The following WDR53 variants were observed in gnomAD, a reference collection of about 807,000 sequenced individuals.
WDR53 encodes WD repeat domain 53, also known as WD repeat-containing protein 53.
A neutral mutation model predicts 21.3 loss-of-function variants in WDR53; 19 were observed. That is an observed-to-expected ratio of 0.89 (90% CI 0.62 to 1.31). The LOEUF (loss-of-function observed/expected upper bound fraction) is 1.31. Among genes scored for constraint, WDR53 ranks in the 50% most tolerant of loss-of-function variants. WDR53 has a pLI of 0.00. For missense variants in WDR53, 374 were observed against 423.2 expected (o/e 0.88, Z 1.02); for synonymous variants, 157 against 163.4 (o/e 0.96, Z 0.30).
chr3:196,555,699 TTAAC>T (rs1734258341), intron 3 of WDR53, among the ~76,000 whole-genome samples: 1 of 152,240 alleles, frequency 6.6e-6, no homozygotes, highest in Non-Finnish European at 1.5e-5. Context: ...ACTCACAATT[TTAAC>T]AGACACTGGA....
At chr3:196,556,682 C>A (rs1370788554) in intron 3 of WDR53, among the ~76,000 whole-genome samples, 2 of 150,792 alleles carry the variant, frequency 1.3e-5, no homozygotes, top group Admixed American at 1.3e-4. Flanking sequence ...AAAATACACA[C>A]ACACACACAC....
At position 196,554,363 on chromosome 3, in the gene WDR53, C is replaced by T. The variant is rs145431410; in HGVS notation, c.925G>A (p.Glu309Lys). 2 of 1,614,170 alleles carry T rather than the reference C, an allele frequency of 1.2e-6. No homozygotes were observed. Among genetic ancestry groups the T allele is most frequent in the Non-Finnish European group, 1.7e-6 (2 of 1,180,026 alleles). Residue 309 changes from glutamate (E) to lysine (K), a missense_variant, in exon 4 of 4, where the codon GAG becomes AAG. By Grantham distance (56) the Glu-to-Lys change is moderately conservative. Coordinates refer to ENST00000332629, the MANE Select transcript of WDR53 (RefSeq NM_182627.3). Reference protein sequence around the residue: ...GGNTNASVTDEEEHGNILPKL... With the variant: ...GGNTNASVTDKEEHGNILPKL... The stretch of plus-strand genomic sequence containing the variant: ...GGTAAAATGTTGCCATGTTCTTCCT[C>T]ATCTGTTACTGAAGCGTTAGTATTT...
At chr3:196,559,816 A>G (rs184816668) in intron 3 of WDR53, among the ~76,000 whole-genome samples, 8 of 152,286 alleles carry the variant, frequency 5.3e-5, no homozygotes, top group Non-Finnish European at 4.4e-5. Flanking sequence ...GGAGCCAGAG[A>G]GATTGAGGTT....
chr3:196,559,821 G>C (rs1037501071), intron 3 of WDR53, among the ~76,000 whole-genome samples: 3 of 152,126 alleles, frequency 2.0e-5, no homozygotes, highest in Non-Finnish European at 4.4e-5. Context: ...CAGAGAGATT[G>C]AGGTTTGAAT....
At chr3:196,566,333 C>T (rs1735389532) in intron 2 of WDR53, among the ~76,000 whole-genome samples, 1 of 152,068 alleles carries the variant, frequency 6.6e-6, no homozygotes, top group Non-Finnish European at 1.5e-5. Flanking sequence ...AGCAATCCAC[C>T]CACCTCGGCC....
chr3:196,561,577 C>T, intron 2 of WDR53, 86 bp from the exon 3 acceptor site: 1 of 1,256,658 alleles, frequency 8.0e-7, no homozygotes, highest in Non-Finnish European at 1.1e-6. Flanking sequence ...AATATTTCAT[C>T]TTTTAAAATG....
Position 196,560,087 on chromosome 3 carries a change from A to G in WDR53, c.480+909T>C, listed in dbSNP as rs189382168. Reference sequence around the variant, plus strand: ...ACATTAAGCCCAAATCTGCTTTCCCATGACTTCTCTTATGAAGACCAGCAC... The same window carrying G: ...ACATTAAGCCCAAATCTGCTTTCCCGTGACTTCTCTTATGAAGACCAGCAC... On this transcript the variant is annotated intron_variant, in intron 3 of 3. Transcript: ENST00000332629. 1.2e-3 allele frequency among the ~76,000 whole-genome samples: 190 copies of G among 152,266 alleles called. 1 individual carries two copies. The highest frequency in any genetic ancestry group is 4.4e-3 in the African/African-American group (183 of 41,568).
intron 2 of WDR53, among the ~76,000 whole-genome samples, chr3:196,565,929 G>T (rs538386547): frequency 6.6e-6 from 1 of 152,300 alleles, no homozygotes; most frequent in East Asian, 1.9e-4. Context: ...CCACATTCAC[G>T]TATCAAGTCA....
rs546041944 is a variant in WDR53, at chr3:196,554,727, G to A, written c.561C>T (p.Gly187=). 1.2e-6 allele frequency: 2 copies of A among 1,614,078 alleles called. No individual in the cohort carries two copies. The highest frequency in any genetic ancestry group is 1.3e-5 in the African/African-American group (1 of 75,004). The change falls in exon 4 of 4, where the codon GGC becomes GGT. Residue 187 remains glycine (G), a synonymous_variant. Transcript: ENST00000332629. Reference sequence around the variant, plus strand: ...TTAAGAGCTGACCAGGTGACTGTGGGCCTTCCATTTCTTCTGTTTCATCCT... The same window carrying A: ...TTAAGAGCTGACCAGGTGACTGTGGACCTTCCATTTCTTCTGTTTCATCCT... ...LQEDETEEME[G]PQSPGQLLNP... is the part of the protein sequence containing the mutation.
At chr3:196,559,324 G>T (rs1163808102) in intron 3 of WDR53, among the ~76,000 whole-genome samples, 1 of 152,198 alleles carries the variant, frequency 6.6e-6, no homozygotes, top group African/African-American at 2.4e-5. Flanking sequence ...GGAAGATAGA[G>T]GTTGTAGGGT....
chr3:196,561,533 A>G (rs1398210369), intron 2 of WDR53, 42 bp from the exon 3 acceptor site: 3 of 1,531,158 alleles, frequency 2.0e-6, no homozygotes, highest in Non-Finnish European at 2.6e-6. Flanking sequence ...TGTTTTATAC[A>G]TCGACTTGAT....
At chr3:196,559,359 G>A (rs1236475489) in intron 3 of WDR53, among the ~76,000 whole-genome samples, 1 of 152,170 alleles carries the variant, frequency 6.6e-6, no homozygotes, top group Non-Finnish European at 1.5e-5. Flanking sequence ...CATGTAGAGT[G>A]AGTCTCAACC....
chr3:196,556,656 TA>T (rs60957596), intron 3 of WDR53, among the ~76,000 whole-genome samples: 72 of 139,578 alleles, frequency 5.2e-4, no homozygotes, highest in Middle Eastern at 3.6e-3. Context: ...ACTCCGTCTT[TA>T]AAAAAAAAAA....
chr3:196,560,686 G>C (rs1227551381), intron 3 of WDR53, among the ~76,000 whole-genome samples: 3 of 152,164 alleles, frequency 2.0e-5, no homozygotes, highest in African/African-American at 7.2e-5. Context: ...AGAGTGGGTG[G>C]ACCAACTCTG....
rs1734821144 is a variant in WDR53, at chr3:196,561,230, G to A, written c.246C>T (p.Ser82=). The change falls in exon 3 of 4, where the codon TCC becomes TCT. Residue 82 remains serine, a synonymous_variant. Coordinates refer to ENST00000332629, the MANE Select transcript of WDR53 (RefSeq NM_182627.3). ...GETISVLDVR[S]LKDSLDHFHV... ...GAAAATGGTCCAAGGAATCTTTGAG[G>A]GACCTGACATCCAGTACACTAATGG... 6.2e-7 allele frequency: 1 copy of A among 1,614,142 alleles called. No homozygotes were observed.
chr3:196,562,355 G>A (rs1334979449), intron 2 of WDR53, among the ~76,000 whole-genome samples: 8 of 152,234 alleles, frequency 5.3e-5, no homozygotes, highest in East Asian at 3.9e-4. Flanking sequence ...TCCGCCTCCC[G>A]GGTTCCAGCA....
chr3:196,567,377 A>G (rs1735509764), intron 1 of WDR53, 70 bp from the exon 2 acceptor site: 1 of 376,456 alleles, frequency 2.7e-6, no homozygotes, highest in Non-Finnish European at 5.2e-6. Context: ...GGACAGGCAA[A>G]TAATAATCAA....
In WDR53 at chr3:196,560,977, C is replaced by T. The variant is rs1373276068; in HGVS notation, c.480+19G>A. The stretch of plus-strand genomic sequence containing the variant: ...ATCCCACTTAGAAATTCCCCAAGTA[C>T]TCTGTGCAAAAGCATCACCTGCATA... On this transcript the variant is annotated intron_variant, in intron 3 of 3. Transcript: ENST00000332629. 1 of 1,588,594 alleles carries T rather than the reference C, an allele frequency of 6.3e-7. No homozygotes were observed. Among genetic ancestry groups the T allele is most frequent in the Non-Finnish European group, 8.6e-7 (1 of 1,167,670 alleles).
At chr3:196,567,390 A>G in intron 1 of WDR53, 83 bp from the exon 2 acceptor site, 1 of 364,852 alleles carries the variant, frequency 2.7e-6, no homozygotes. Context: ...ATAATCAAAC[A>G]CCATGAATCA....
Sources: gnomAD v4.1 joint callset for allele counts (sites outside exome capture counted in the v4.1 genomes callset) on GRCh38, gnomAD v4.1.1 for gene constraint, MANE v1.5 for transcripts, NCBI Gene and HGNC (gene_info 2026-07-23, HGNC 2026-07-21) for gene names.